CHD8: variants seen among roughly 807,000 people sequenced by gnomAD.
The protein encoded by CHD8 is ATP-dependent chromatin remodeler CHD8.
Under a neutral mutation model 279.2 loss-of-function variants are expected in CHD8, and 31 were observed. The observed-to-expected ratio is 0.11, with a 90% CI of 0.08 to 0.15. CHD8 has a LOEUF of 0.15. CHD8 is among the 10% of genes least tolerant of loss of function. The probability of loss-of-function intolerance (pLI) is 1.00; values close to 1 mark genes in which losing one functional copy is unlikely to be tolerated. For missense variants in CHD8, 2,146 were observed against 3,230.5 expected (o/e 0.66, Z 8.14); for synonymous variants, 1,081 against 1,139.6 (o/e 0.95, Z 1.04).
Position 21,431,089 on chromosome 14 carries a change from G to A in CHD8, c.555C>T (p.Ser185=), listed in dbSNP as rs1254824652. ...TGCCTGCCACCAGGGGCTGAGCTGTGCTGGTGATACCTTGGGCCTGAATTT... is the reference window on the plus strand; with the variant it reads ...TGCCTGCCACCAGGGGCTGAGCTGTACTGGTGATACCTTGGGCCTGAATTT... ...VAQIQAQGIT[S]TAQPLVAGTA... is the part of the protein sequence containing the mutation. The change falls in exon 2 of 38, where the codon AGC becomes AGT. Residue 185 remains serine, a synonymous_variant. Transcript: ENST00000646647. 1 of 1,599,206 alleles carries A rather than the reference G, an allele frequency of 6.3e-7. No homozygotes were observed. Among genetic ancestry groups the A allele is most frequent in the Non-Finnish European group, 8.5e-7 (1 of 1,179,672 alleles).
Position 21,403,309 on chromosome 14 carries a change from C to T in CHD8, c.3519-97G>A. The T allele has an allele frequency of 7.4e-7, 1 of 1,353,232 alleles. No individual in the cohort carries two copies. Among genetic ancestry groups the T allele is most frequent in the East Asian group, 2.4e-5 (1 of 41,966 alleles). 83.8% of individuals were successfully genotyped at this position (1,353,232 alleles called of 1,614,324 possible). On this transcript the variant is annotated intron_variant, in intron 17 of 37. Coordinates refer to ENST00000646647, the MANE Select transcript of CHD8 (RefSeq NM_001170629.2). This position sits in a 1 kb window ranked among gnomAD's most constrained non-coding sequence, Gnocchi z 4.3. ...CAATACCAGTACTCCCATATCAAAGCTGGTCAAAAACCCAAGTTGAGAGTG... is the reference window on the plus strand; with the variant it reads ...CAATACCAGTACTCCCATATCAAAGTTGGTCAAAAACCCAAGTTGAGAGTG...
intron 4 of CHD8, chr14:21,426,454 A>T: frequency 2.0e-6 from 1 of 489,294 alleles, no homozygotes; most frequent in Non-Finnish European, 3.6e-6. Flanking sequence ...ACCATATTTG[A>T]CAAATCCTTG....
Position 21,429,323 on chromosome 14 carries a change from G to A in CHD8, c.856C>T (p.Arg286Cys), listed in dbSNP as rs762427755. The change falls in exon 3 of 38, where the codon CGC becomes TGC. Residue 286 changes from arginine (R) to cysteine (C), a missense_variant. Physicochemically the swap from Arg to Cys is radical, Grantham distance 180 (BLOSUM62 -3). Coordinates refer to ENST00000646647, the MANE Select transcript of CHD8 (RefSeq NM_001170629.2). The stretch of plus-strand genomic sequence containing the variant: ...GGCTGCTGGAGGACCAGGGTGATGC[G>A]TTTCGATTCACCCTAAAGTGAAGAA... ...TSTPTQGESK[R>C]ITLVLQQPQS... 7.7e-5 allele frequency: 124 copies of A among 1,602,380 alleles called. No individual in the cohort carries two copies. The highest frequency in any genetic ancestry group is 9.6e-5 in the Non-Finnish European group (113 of 1,171,824).
Position 21,408,596 on chromosome 14 carries a change from C to A in CHD8, c.2487-41G>T. The stretch of plus-strand genomic sequence containing the variant: ...GGGAAAAAAAAAATGTTAAAAGATA[C>A]TATCTTTAAAAAAAATAGAGTATGT... On this transcript the variant is annotated intron_variant, in intron 12 of 37. Coordinates refer to ENST00000646647, the MANE Select transcript of CHD8 (RefSeq NM_001170629.2). The surrounding 1 kb of genome is among the most constrained non-coding windows in gnomAD (Gnocchi z 4.3). 6.3e-7 allele frequency: 1 copy of A among 1,577,572 alleles called. No homozygotes were observed. Among genetic ancestry groups the A allele is most frequent in the Non-Finnish European group, 8.6e-7 (1 of 1,162,972 alleles).
At chr14:21,418,507 G>C (rs996696860) in intron 5 of CHD8, among the ~76,000 whole-genome samples, 1 of 146,516 alleles carries the variant, frequency 6.8e-6, no homozygotes, top group African/African-American at 2.5e-5. Flanking sequence ...GTGAGAGTGA[G>C]ACCCTGTCTC....
In CHD8 at chr14:21,391,602, A is replaced by G; in HGVS notation, c.6926T>C (p.Val2309Ala). The G allele has an allele frequency of 6.2e-7, 1 of 1,610,240 alleles. No homozygotes were observed. Among genetic ancestry groups the G allele is most frequent in the Non-Finnish European group, 8.5e-7 (1 of 1,178,094 alleles). The part of the protein sequence containing the change: ...ECMEEPNHLD[V>A]DLETRIPVIN... Reference sequence around the variant, plus strand: ...GACAGGGATCCGGGTCTCCAGGTCCACATCAAGGTGATTAGGCTCTTCCAT... The same window carrying G: ...GACAGGGATCCGGGTCTCCAGGTCCGCATCAAGGTGATTAGGCTCTTCCAT... Residue 2309 changes from valine (V) to alanine (A), a missense_variant, in exon 36 of 38, where the codon GTG becomes GCG. Physicochemically the swap from Val to Ala is moderately conservative, Grantham distance 64 (BLOSUM62 0). Transcript: ENST00000646647.
At chr14:21,441,995 G>A (rs971772198) in intron 1 of CHD8, among the ~76,000 whole-genome samples, 5 of 152,238 alleles carry the variant, frequency 3.3e-5, no homozygotes, top group Non-Finnish European at 7.3e-5. Flanking sequence ...CTAAAAGTCT[G>A]GCTTGGAGAT....
intron 1 of CHD8, among the ~76,000 whole-genome samples, chr14:21,441,782 G>A (rs1250997633): frequency 6.6e-6 from 1 of 152,166 alleles, no homozygotes; most frequent in African/African-American, 2.4e-5. Context: ...CCAGCTACTA[G>A]GGAGGCTGAG....
At chr14:21,431,948 C>A in intron 1 of CHD8, 90 bp from the exon 2 acceptor site, 3 of 771,132 alleles carry the variant, frequency 3.9e-6, no homozygotes, top group South Asian at 2.9e-5. Context: ...TTCTTAATAT[C>A]AAATAGCATG....
intron 1 of CHD8, among the ~76,000 whole-genome samples, chr14:21,453,627 G>A (rs750923424): frequency 2.6e-5 from 4 of 151,864 alleles, no homozygotes; most frequent in Non-Finnish European, 5.9e-5. Flanking sequence ...CAGAAGTAGA[G>A]AGATTCTAGA....
chr14:21,437,942 G>GC (rs1173363602), intron 1 of CHD8, among the ~76,000 whole-genome samples: 1 of 152,022 alleles, frequency 6.6e-6, no homozygotes, highest in Non-Finnish European at 1.5e-5. Context: ...TTGAAACTCA[G>GC]CCCATTTGAC....
At chr14:21,407,591 T>C (rs534375101) in intron 13 of CHD8, among the ~76,000 whole-genome samples, 1 of 152,190 alleles carries the variant, frequency 6.6e-6, no homozygotes, top group Admixed American at 6.5e-5. Context: ...CAAATTTACA[T>C]GGAAAAAGGA....
rs77869525 is a variant in CHD8 at position 21,405,065 on chromosome 14, G to A, written c.3307+144C>T. 16,439 of 716,822 alleles carry A rather than the reference G, an allele frequency of 0.023. 220 individuals carry two copies. Among genetic ancestry groups the A allele is most frequent in the African/African-American group, 0.033 (1,874 of 56,016 alleles). 44.4% of individuals were successfully genotyped at this position (716,822 alleles called of 1,614,324 possible). ...CAGGCTTAGAGTCTCTTTTTTAAAA[G>A]GAGAACCATTTCCCTCCCATTCCTC... On this transcript the variant is annotated intron_variant, in intron 16 of 37. Coordinates refer to ENST00000646647, the MANE Select transcript of CHD8 (RefSeq NM_001170629.2). The surrounding 1 kb of genome is among the most constrained non-coding windows in gnomAD (Gnocchi z 4.2).
At chr14:21,392,846 C>T in intron 33 of CHD8, 37 bp from the exon 34 acceptor site, 6 of 1,592,944 alleles carry the variant, frequency 3.8e-6, no homozygotes, top group Non-Finnish European at 5.2e-6. Context: ...TTTTAAGAGT[C>T]TGAGTACTAG....
intron 27 of CHD8, among the ~76,000 whole-genome samples, chr14:21,396,243 G>A (rs926839548): frequency 2.0e-5 from 3 of 151,886 alleles, no homozygotes; most frequent in South Asian, 2.1e-4. Flanking sequence ...TAATTCACAC[G>A]CCTTGGCATC....
Position 21,394,162 on chromosome 14 carries a change from A to C in CHD8, c.5633T>G (p.Ile1878Ser), listed in dbSNP as rs1206090827. Reference sequence around the variant, plus strand: ...AGTCCGTGAGGCTCTCTCCTCAGTGATGGGCTCAATGAACAGGTTAGGGTC... The same window carrying C: ...AGTCCGTGAGGCTCTCTCCTCAGTGCTGGGCTCAATGAACAGGTTAGGGTC... Reference protein sequence around the residue: ...PPDPNLFIEPITEERASRTLY... With the variant: ...PPDPNLFIEPSTEERASRTLY... Residue 1878 changes from isoleucine (I) to serine (S), a missense_variant, in exon 32 of 38, where the codon ATC becomes AGC. Ile to Ser is a moderately radical substitution (Grantham distance 142). This residue lies in a region of CHD8 where 513 missense variants were observed against 637.6 expected (regional missense o/e 0.80). Coordinates refer to ENST00000646647, the MANE Select transcript of CHD8 (RefSeq NM_001170629.2). The C allele has an allele frequency of 6.2e-7, 1 of 1,607,554 alleles. No homozygotes were observed. Among genetic ancestry groups the C allele is most frequent in the Non-Finnish European group, 8.5e-7 (1 of 1,175,636 alleles).
intron 37 of CHD8, among the ~76,000 whole-genome samples, chr14:21,390,562 G>A (rs1245295664): frequency 6.6e-6 from 1 of 152,102 alleles, no homozygotes; most frequent in African/African-American, 2.4e-5. Context: ...GGTGGATCAC[G>A]AGGTCAGGAG....
At chr14:21,419,375 A>G (rs1379375195) in intron 5 of CHD8, among the ~76,000 whole-genome samples, 1 of 152,148 alleles carries the variant, frequency 6.6e-6, no homozygotes, top group East Asian at 1.9e-4. Flanking sequence ...CCTGAGCAAC[A>G]TGGTGAAACC....
rs774244473 is a variant in CHD8 at position 21,391,546 on chromosome 14, C to T, written c.6982G>A (p.Gly2328Ser). 6.2e-7 allele frequency: 1 copy of T among 1,613,770 alleles called. No individual in the cohort carries two copies. Among genetic ancestry groups the T allele is most frequent in the African/African-American group, 1.3e-5 (1 of 74,998 alleles). ...INKVDGTLLVGEDAPRRAELE... is the reference protein window; with the variant it reads ...INKVDGTLLVSEDAPRRAELE... ...TCAGCCCGGCGAGGGGCATCCTCAC[C>T]CACCAGCAAAGTACCATCCACCTTA... Residue 2328 changes from glycine (G) to serine (S), a missense_variant, in exon 36 of 38, where the codon GGT becomes AGT. Around this residue, in one of 26 missense-constraint regions of CHD8, gnomAD observed 336 missense variants for 392.9 expected, o/e 0.86. Coordinates refer to ENST00000646647, the MANE Select transcript of CHD8 (RefSeq NM_001170629.2).
Sources: allele counts gnomAD v4.1 joint callset (sites outside exome capture counted in the v4.1 genomes callset), GRCh38; gene constraint gnomAD v4.1.1; regional missense constraint gnomAD v4.1.1; non-coding constraint Gnocchi (gnomAD v3.1); transcripts MANE v1.5; gene names NCBI Gene and HGNC (gene_info 2026-07-23, HGNC 2026-07-21).